Variants in PXDN observed in about 807,000 individuals in gnomAD.
The protein encoded by PXDN is peroxidasin homolog.
In PXDN, 77 loss-of-function variants were observed where a neutral mutation model predicts 140.3. That is an observed-to-expected ratio of 0.55 (90% confidence interval 0.46 to 0.66). PXDN has a LOEUF of 0.66. PXDN is among the 30% of genes least tolerant of loss of function. The pLI is 0.00. For synonymous variants in PXDN, 911 were observed against 857.4 expected (o/e 1.06, Z -1.09); for missense variants, 1,838 against 2,039.5 (o/e 0.90, Z 1.90).
intron 8 of PXDN, among the ~76,000 whole-genome samples, chr2:1,674,883 C>T (rs1272289077): frequency 5.3e-5 from 8 of 152,184 alleles, no homozygotes. Context: ...CCTAAGGAGC[C>T]TGTGCAGCCT....
intron 1 of PXDN, among the ~76,000 whole-genome samples, chr2:1,729,454 G>A (rs1685263006): frequency 6.6e-6 from 1 of 151,992 alleles, no homozygotes; most frequent in Non-Finnish European, 1.5e-5. Flanking sequence ...TCCATCCGCA[G>A]GATAATATGA....
chr2:1,697,907 C>T (rs1159614065), intron 1 of PXDN, among the ~76,000 whole-genome samples: 3 of 152,202 alleles, frequency 2.0e-5, no homozygotes, highest in Non-Finnish European at 4.4e-5. Flanking sequence ...GCATGATGAG[C>T]ATGGAGACAG....
At chr2:1,646,569 G>A (rs938451766) in intron 17 of PXDN, among the ~76,000 whole-genome samples, 2 of 152,116 alleles carry the variant, frequency 1.3e-5, no homozygotes, top group Non-Finnish European at 2.9e-5. Flanking sequence ...ATGAATACTG[G>A]AACATATTAA....
chr2:1,741,014 G>C (rs112013888), intron 1 of PXDN, among the ~76,000 whole-genome samples: 1 of 152,158 alleles, frequency 6.6e-6, no homozygotes, highest in Non-Finnish European at 1.5e-5. Flanking sequence ...GCTTTGCAGC[G>C]GCCTGGACTG....
At position 1,648,315 on chromosome 2, in the gene PXDN, C is replaced by A; in HGVS notation, c.3465G>T (p.Ala1155=). The A allele has an allele frequency of 6.2e-7, 1 of 1,613,868 alleles. No individual in the cohort carries two copies. Among genetic ancestry groups the A allele is most frequent in the Non-Finnish European group, 8.5e-7 (1 of 1,179,888 alleles). The change falls in exon 17 of 23, where the codon GCG becomes GCT. Residue 1155 remains alanine (A), a synonymous_variant. Coordinates refer to ENST00000252804, the MANE Select transcript of PXDN (RefSeq NM_012293.3). This position sits in a 1 kb window ranked among gnomAD's most constrained non-coding sequence, Gnocchi z 8.9. ...SMAHTVALDL[A]AINIQRGRDH... is the part of the protein sequence containing the mutation. ...CCCGGCCCCGCTGGATGTTGATGGC[C>A]GCCAGGTCCAGAGCCACCGTGTGTG...
intron 1 of PXDN, among the ~76,000 whole-genome samples, chr2:1,699,919 T>C (rs2125456285): frequency 6.6e-6 from 1 of 152,322 alleles, no homozygotes; most frequent in Admixed American, 6.5e-5. Flanking sequence ...GCACTAGTCA[T>C]GTAAGATAGG....
intron 7 of PXDN, 110 bp downstream of exon 7, chr2:1,680,071 GTGTGTGTGTAAA>G (rs1683852391): frequency 8.1e-7 from 1 of 1,236,234 alleles, no homozygotes; most frequent in African/African-American, 1.5e-5. Context: ...TCTATAAATG[GTGTGTGTGTAAA>G]TGTGTGTGTG....
At chr2:1,637,472 G>A (rs1038918595) in intron 21 of PXDN, among the ~76,000 whole-genome samples, 1 of 152,186 alleles carries the variant, frequency 6.6e-6, no homozygotes, top group African/African-American at 2.4e-5. Flanking sequence ...CCTGCCACAC[G>A]CTGTCCACTC....
intron 1 of PXDN, among the ~76,000 whole-genome samples, chr2:1,706,495 C>T (rs1466746535): frequency 3.9e-5 from 6 of 151,978 alleles, no homozygotes; most frequent in African/African-American, 1.4e-4. Flanking sequence ...ACCTGCCCCA[C>T]TAATAATACA....
rs1684189162 is a variant in PXDN, at chr2:1,691,892, T to C, written c.344+36A>G. The C allele has an allele frequency of 5.3e-6, 7 of 1,327,734 alleles. No individual in the cohort carries two copies. In the South Asian group the frequency reaches 5.8e-5, roughly 11 times the overall value. 82.2% of individuals were successfully genotyped at this position (1,327,734 alleles called of 1,614,324 possible). ...CTATTTTTAAGTAATCTAGATACCATAAGCTTTTAGGTTAAAGAACTGATC... is the reference window on the plus strand; with the variant it reads ...CTATTTTTAAGTAATCTAGATACCACAAGCTTTTAGGTTAAAGAACTGATC... On this transcript the variant is annotated intron_variant, in intron 3 of 22. Transcript: ENST00000252804.
chr2:1,706,509 T>A (rs112509715), intron 1 of PXDN, among the ~76,000 whole-genome samples: 2 of 131,706 alleles, frequency 1.5e-5, no homozygotes, highest in African/African-American at 6.1e-5. Context: ...TAATACAATC[T>A]GAGAGCACGC....
At chr2:1,658,037 TC>T (rs1558494239) in intron 14 of PXDN, among the ~76,000 whole-genome samples, 1 of 20,680 alleles carries the variant, frequency 4.8e-5, no homozygotes, top group Non-Finnish European at 1.1e-4. Flanking sequence ...GCTCTCTCTC[TC>T]TCTCTCTCTC....
At chr2:1,643,848 G>A (rs1463976236) in intron 18 of PXDN, among the ~76,000 whole-genome samples, 3 of 151,930 alleles carry the variant, frequency 2.0e-5, no homozygotes, top group African/African-American at 4.8e-5. Context: ...CGAGGTGGGC[G>A]GATCACGAGG....
At chr2:1,658,756 C>T (rs538800642) in intron 14 of PXDN, among the ~76,000 whole-genome samples, 1 of 143,066 alleles carries the variant, frequency 7.0e-6, no homozygotes, top group Non-Finnish European at 1.5e-5. Context: ...TGCTCCCCAC[C>T]CCCCGGCATC....
At chr2:1,667,987 T>G (rs1244086507) in intron 9 of PXDN, among the ~76,000 whole-genome samples, 1 of 152,224 alleles carries the variant, frequency 6.6e-6, no homozygotes, top group Non-Finnish European at 1.5e-5. Context: ...GCAGCCCGTA[T>G]AGCCAAGACA....
intron 7 of PXDN, among the ~76,000 whole-genome samples, chr2:1,677,327 G>T (rs142324724): frequency 2.0e-5 from 3 of 152,230 alleles, no homozygotes; most frequent in Non-Finnish European, 4.4e-5. Context: ...AGCCTTCGGC[G>T]TCCCCTCGAG....
At chr2:1,705,301 G>A (rs1684569545) in intron 1 of PXDN, among the ~76,000 whole-genome samples, 1 of 152,200 alleles carries the variant, frequency 6.6e-6, no homozygotes, top group South Asian at 2.1e-4. Context: ...CTGGGGTTGG[G>A]AGGGGTGAAT....
Position 1,695,494 on chromosome 2 carries a change from C to T in PXDN, c.201-2360G>A, listed in dbSNP as rs368826631. On this transcript the variant is annotated intron_variant, in intron 1 of 22. Transcript: ENST00000252804. ...CTGTGCCCTGCTGGACAGAGAGGTGCTGTCCCATTCACAGGCCCCTGTGCC... is the reference window on the plus strand; with the variant it reads ...CTGTGCCCTGCTGGACAGAGAGGTGTTGTCCCATTCACAGGCCCCTGTGCC... 9.1e-3 allele frequency among the ~76,000 whole-genome samples: 660 copies of T among 72,640 alleles called. 9 individuals carry two copies. The highest frequency in any genetic ancestry group is 0.019 in the Middle Eastern group (2 of 108). 47.7% of individuals were successfully genotyped at this position (72,640 alleles called of 152,430 possible). A position where few individuals can be genotyped will look rare whatever the true frequency, so the allele number is the denominator to read the frequency against.
At chr2:1,654,303 A>C (rs1000911030) in intron 15 of PXDN, 97 bp downstream of exon 15, 2 of 786,370 alleles carry the variant, frequency 2.5e-6, no homozygotes, top group African/African-American at 3.5e-5. Flanking sequence ...TCAAATCAAA[A>C]TTCATATATT....
Sources: gnomAD v4.1 joint callset for allele counts (sites outside exome capture counted in the v4.1 genomes callset) on GRCh38, gnomAD v4.1.1 for gene constraint, Gnocchi (gnomAD v3.1) non-coding constraint, MANE v1.5 for transcripts, NCBI Gene and HGNC (gene_info 2026-07-23, HGNC 2026-07-21) for gene names.